Variants in PTPN13 observed in about 807,000 individuals in gnomAD.
PTPN13 encodes tyrosine-protein phosphatase non-receptor type 13.
PTPN13 carries 191 observed loss-of-function variants against 284.0 expected under a neutral mutation model. The observed-to-expected ratio is 0.67, with a 90% confidence interval of 0.60 to 0.76. PTPN13 has a LOEUF of 0.76. PTPN13 is among the 30% of genes least tolerant of loss of function. The pLI, the probability that PTPN13 is intolerant of heterozygous loss-of-function variation, is 0.00. For missense variants in PTPN13, 2,797 were observed against 2,939.9 expected, an observed-to-expected ratio of 0.95 and a Z score of 1.12; for synonymous variants, 986 against 1,022.3, an observed-to-expected ratio of 0.96 and a Z score of 0.68.
At chr4:86,700,482 A>T (rs1731040754) in intron 6 of PTPN13, among the ~76,000 whole-genome samples, 1 of 152,190 alleles carries the variant, frequency 6.6e-6, no homozygotes. Context: ...TTTAAAAAAA[A>T]GTAAAATGAC....
intron 2 of PTPN13, among the ~76,000 whole-genome samples, chr4:86,664,976 G>T (rs1328606107): frequency 6.6e-6 from 1 of 151,370 alleles, no homozygotes; most frequent in Admixed American, 6.6e-5. Flanking sequence ...GAAATCAAGA[G>T]ACCTGCTTCC....
intron 10 of PTPN13, among the ~76,000 whole-genome samples, chr4:86,731,017 GTTGAAC>G (rs1734884212): frequency 6.6e-6 from 1 of 152,076 alleles, no homozygotes; most frequent in Non-Finnish European, 1.5e-5. Context: ...AACCCCTTAT[GTTGAAC>G]TTTTACTTTT....
chr4:86,750,395 T>A, intron 17 of PTPN13, 75 bp from the exon 18 acceptor site: 1 of 1,324,476 alleles, frequency 7.6e-7, no homozygotes. Context: ...GCATGCTGCT[T>A]ATTTATTAAC....
At chr4:86,733,334 CT>C (rs994935526) in intron 12 of PTPN13, among the ~76,000 whole-genome samples, 26 of 152,010 alleles carry the variant, frequency 1.7e-4, no homozygotes, top group African/African-American at 6.3e-4. Flanking sequence ...CAGTAAGAAA[CT>C]TTTTGGAATT....
At chr4:86,666,893 C>T (rs1210488690) in intron 2 of PTPN13, among the ~76,000 whole-genome samples, 2 of 152,142 alleles carry the variant, frequency 1.3e-5, no homozygotes, top group South Asian at 2.1e-4. Context: ...AAGATGGAGC[C>T]GCCATTTTGA....
At position 86,775,343 on chromosome 4, in the gene PTPN13, G is replaced by A; in HGVS notation, c.5680+1G>A. 6.2e-7 allele frequency: 1 copy of A among 1,610,688 alleles called. No individual in the cohort carries two copies. Among genetic ancestry groups the A allele is most frequent in the Non-Finnish European group, 8.5e-7 (1 of 1,178,264 alleles). On this transcript the variant is annotated splice_donor_variant, in intron 34 of 47. Coordinates refer to ENST00000411767, the MANE Select transcript of PTPN13 (RefSeq NM_080683.3). LOFTEE classifies it high-confidence loss of function. ...CTAACGTGCAACAAAGAGGAGTTGG[G>A]TAATGAAAAGTCAAACTTTGTACAA...
Position 86,770,210 on chromosome 4 carries a change from T to A in PTPN13, c.4803+11T>A. Reference sequence around the variant, plus strand: ...GATACTGCGCTTTTGGTGAGACTTATGAAAAGTAATTTACAGTTTTATAGA... The same window carrying A: ...GATACTGCGCTTTTGGTGAGACTTAAGAAAAGTAATTTACAGTTTTATAGA... On this transcript the variant is annotated intron_variant, in intron 30 of 47. Transcript: ENST00000411767. The A allele has an allele frequency of 6.2e-7, 1 of 1,601,526 alleles. No homozygotes were observed. The highest frequency in any genetic ancestry group is 1.1e-5 in the South Asian group (1 of 90,162).
At chr4:86,780,502 C>A (rs374976425) in intron 36 of PTPN13, 30 bp downstream of exon 36, 10 of 1,415,226 alleles carry the variant, frequency 7.1e-6, no homozygotes, top group African/African-American at 7.0e-5. Context: ...ACTGTACTCT[C>A]CTACGGTAAT....
rs370647441 is a variant in PTPN13 at position 86,794,656 on chromosome 4, G to A, written c.6346-2218G>A. Reference sequence around the variant, plus strand: ...TACCTGACTTCAAACTATACTACAAGGCTACAGTAACCAAAACAGCATGGT... The same window carrying A: ...TACCTGACTTCAAACTATACTACAAAGCTACAGTAACCAAAACAGCATGGT... On this transcript the variant is annotated intron_variant, in intron 40 of 47. Transcript: ENST00000411767. Among the ~76,000 whole-genome samples, 104 of 152,184 alleles carry A rather than the reference G, an allele frequency of 6.8e-4. 3 individuals are homozygous for A. The highest frequency in any genetic ancestry group is 4.6e-3 in the East Asian group (24 of 5,192).
In PTPN13 at chr4:86,595,755, A is replaced by G. The variant is rs1319283965; in HGVS notation, c.-6+966A>G. 7 of 985,726 alleles carry G rather than the reference A, an allele frequency of 7.1e-6. No individual in the cohort carries two copies. The African/African-American group carries it at 1.0e-4, about 15-fold the overall frequency. 61.1% of individuals were successfully genotyped at this position (985,726 alleles called of 1,614,324 possible). On this transcript the variant is annotated intron_variant, in intron 1 of 47. Transcript: ENST00000411767. Reference sequence around the variant, plus strand: ...TCAAGGCAGGACCTGAACAAAATGTAGGACACCTGATCTGTGGGATGAAGG... The same window carrying G: ...TCAAGGCAGGACCTGAACAAAATGTGGGACACCTGATCTGTGGGATGAAGG...
chr4:86,621,802 A>G (rs1721281361), intron 1 of PTPN13, among the ~76,000 whole-genome samples: 1 of 151,736 alleles, frequency 6.6e-6, no homozygotes, highest in Admixed American at 6.6e-5. Context: ...GAGGCTAGAT[A>G]TTTTTCTTTT....
chr4:86,645,703 A>G (rs528536211), intron 2 of PTPN13, among the ~76,000 whole-genome samples: 17 of 152,318 alleles, frequency 1.1e-4, no homozygotes, highest in African/African-American at 4.1e-4. Flanking sequence ...ACACCTAAAT[A>G]GAGAGCTATG....
At chr4:86,770,392 AT>A (rs1739851741) in intron 30 of PTPN13, among the ~76,000 whole-genome samples, 193 bp downstream of exon 30, 1 of 152,152 alleles carries the variant, frequency 6.6e-6, no homozygotes, top group Non-Finnish European at 1.5e-5. Flanking sequence ...ATACAAAGTA[AT>A]TTATTCAATT....
intron 3 of PTPN13, among the ~76,000 whole-genome samples, chr4:86,685,775 A>G (rs1253215437): frequency 6.6e-6 from 1 of 152,250 alleles, no homozygotes; most frequent in African/African-American, 2.4e-5. Context: ...CTTCTGGTAG[A>G]AATACAAAAT....
rs773181851 is a variant in PTPN13 at position 86,735,750 on chromosome 4, A to T, written c.2304+4A>T. On this transcript the variant is annotated splice_donor_region_variant and intron_variant, in intron 15 of 47. Transcript: ENST00000411767. The stretch of plus-strand genomic sequence containing the variant: ...GACAGAGTTAGAATTTTTAAAGGTA[A>T]GCATCCAAGATTACAAATGATAAGC... 4.4e-6 allele frequency: 7 copies of T among 1,606,594 alleles called. No individual in the cohort carries two copies. The South Asian group carries it at 6.7e-5, about 15-fold the overall frequency.
At chr4:86,705,376 T>C (rs923820714) in intron 7 of PTPN13, among the ~76,000 whole-genome samples, 1 of 149,744 alleles carries the variant, frequency 6.7e-6, no homozygotes, top group African/African-American at 2.5e-5. Flanking sequence ...GTGCAGCTTG[T>C]TAATATGAAG....
chr4:86,625,722 A>G (rs761430625), intron 1 of PTPN13, among the ~76,000 whole-genome samples: 14 of 152,068 alleles, frequency 9.2e-5, no homozygotes, highest in Admixed American at 2.6e-4. Flanking sequence ...GCTGGGATAC[A>G]CTTTTGGCTC....
At chr4:86,675,797 G>A (rs980350066) in intron 3 of PTPN13, among the ~76,000 whole-genome samples, 3 of 152,052 alleles carry the variant, frequency 2.0e-5, no homozygotes, top group Non-Finnish European at 4.4e-5. Flanking sequence ...CTTCCTGCTT[G>A]CTTGGCAGAA....
At chr4:86,694,579 C>CAA (rs1000226646) in intron 6 of PTPN13, among the ~76,000 whole-genome samples, 2,400 of 30,460 alleles carry the variant, frequency 0.079, 132 homozygotes, top group Non-Finnish European at 0.1. Context: ...ACTTCTGTCT[C>CAA]AAAAAAAAAA....
Sources: gnomAD v4.1 joint callset for allele counts (sites outside exome capture counted in the v4.1 genomes callset) on GRCh38, gnomAD v4.1.1 for gene constraint, MANE v1.5 for transcripts, NCBI Gene and HGNC (gene_info 2026-07-23, HGNC 2026-07-21) for gene names.